The following GPR176 variants were observed in gnomAD, a reference collection of about 807,000 sequenced individuals.
GPR176 encodes G protein-coupled receptor 176.
GPR176 carries 26 observed loss-of-function variants against 35.4 expected under a neutral mutation model. That is an observed-to-expected ratio of 0.74 (90% confidence interval 0.54 to 1.02). The LOEUF (loss-of-function observed/expected upper bound fraction) is 1.02, where lower values mean the gene tolerates loss of function less well. GPR176 is among the 50% of genes least tolerant of loss of function. The pLI, the probability that GPR176 is intolerant of heterozygous loss-of-function variation, is 0.00. For missense variants in GPR176, 597 were observed against 665.3 expected, an observed-to-expected ratio of 0.90 and a Z score of 1.13; for synonymous variants, 278 against 271.3, an observed-to-expected ratio of 1.02 and a Z score of -0.24.
chr15:39,873,722 T>C (rs915429517), intron 1 of GPR176, among the ~76,000 whole-genome samples: 1 of 151,854 alleles, frequency 6.6e-6, no homozygotes, highest in Non-Finnish European at 1.5e-5. Flanking sequence ...CTGACACTTA[T>C]CTATGGGCAC....
intron 1 of GPR176, among the ~76,000 whole-genome samples, chr15:39,838,124 T>G (rs1229778236): frequency 1.3e-5 from 2 of 152,162 alleles, no homozygotes; most frequent in African/African-American, 2.4e-5. Flanking sequence ...TTCTGCATTC[T>G]GAATATTTTT....
intron 1 of GPR176, among the ~76,000 whole-genome samples, chr15:39,916,188 AT>A (rs2033721407): frequency 6.6e-6 from 1 of 152,272 alleles, no homozygotes; most frequent in African/African-American, 2.4e-5. Context: ...TCAATCCACC[AT>A]TTCCAGTTCA....
At chr15:39,843,511 T>C (rs760982758) in intron 1 of GPR176, among the ~76,000 whole-genome samples, 29 of 152,076 alleles carry the variant, frequency 1.9e-4, no homozygotes, top group Non-Finnish European at 2.9e-4. Context: ...CTCCCAGAAT[T>C]GCATTTTGCA....
At chr15:39,828,944 T>C (rs576268907) in intron 1 of GPR176, 2 of 618,438 alleles carry the variant, frequency 3.2e-6, no homozygotes, top group South Asian at 3.5e-5. Context: ...GAAAGAATGA[T>C]ACTACTAGCC....
At chr15:39,877,497 G>C (rs1313714756) in intron 1 of GPR176, among the ~76,000 whole-genome samples, 1 of 151,466 alleles carries the variant, frequency 6.6e-6, no homozygotes, top group African/African-American at 2.4e-5. Context: ...GGTCGCAGAT[G>C]CATCAAGCCC....
At chr15:39,854,325 T>C (rs1021397908) in intron 1 of GPR176, among the ~76,000 whole-genome samples, 2 of 152,192 alleles carry the variant, frequency 1.3e-5, no homozygotes, top group Non-Finnish European at 2.9e-5. Flanking sequence ...GTTTGAGGTT[T>C]GAATCAGCTC....
intron 1 of GPR176, among the ~76,000 whole-genome samples, chr15:39,866,848 G>A (rs949764938): frequency 5.3e-5 from 8 of 152,126 alleles, no homozygotes; most frequent in Non-Finnish European, 8.8e-5. Flanking sequence ...TATGAGGAAG[G>A]TGGACTGTCC....
chr15:39,812,181 CAACTG>C (rs1158694576), intron 1 of GPR176, among the ~76,000 whole-genome samples: 1 of 152,086 alleles, frequency 6.6e-6, no homozygotes, highest in African/African-American at 2.4e-5. Context: ...TACTAAATGT[CAACTG>C]GACTGGATTG....
chr15:39,806,907 G>T (rs1452368130), intron 2 of GPR176, 99 bp downstream of exon 2: 4 of 1,012,672 alleles, frequency 3.9e-6, no homozygotes, highest in Non-Finnish European at 5.7e-6. Flanking sequence ...TGACTAAAAA[G>T]CAGTATACGG....
At chr15:39,887,176 C>G (rs1422537635) in intron 1 of GPR176, among the ~76,000 whole-genome samples, 2 of 152,186 alleles carry the variant, frequency 1.3e-5, no homozygotes, top group African/African-American at 4.8e-5. Context: ...GGAAGTGGTT[C>G]TGATGCAGGT....
chr15:39,899,081 G>A (rs758003369), intron 1 of GPR176, among the ~76,000 whole-genome samples: 1 of 152,114 alleles, frequency 6.6e-6, no homozygotes, highest in Non-Finnish European at 1.5e-5. Context: ...ATAGCCTGTG[G>A]ACCAGCAGCA....
chr15:39,858,587 C>T (rs1163506646), intron 1 of GPR176, among the ~76,000 whole-genome samples: 2 of 152,000 alleles, frequency 1.3e-5, no homozygotes, highest in Non-Finnish European at 2.9e-5. Flanking sequence ...GTGGTGCACA[C>T]ATGTAGTCCC....
At chr15:39,849,474 A>C (rs957656559) in intron 1 of GPR176, among the ~76,000 whole-genome samples, 2 of 148,190 alleles carry the variant, frequency 1.3e-5, no homozygotes, top group Non-Finnish European at 2.9e-5. Flanking sequence ...AAGAAAGTAC[A>C]AAAGAGTACA....
At chr15:39,898,579 T>C (rs2033186563) in intron 1 of GPR176, among the ~76,000 whole-genome samples, 1 of 151,896 alleles carries the variant, frequency 6.6e-6, no homozygotes, top group African/African-American at 2.4e-5. Context: ...GCAAGAAGAC[T>C]GGAAAGAGAA....
At chr15:39,875,850 T>C (rs898009688) in intron 1 of GPR176, among the ~76,000 whole-genome samples, 1 of 151,984 alleles carries the variant, frequency 6.6e-6, no homozygotes, top group Non-Finnish European at 1.5e-5. Context: ...CCTGTCATCA[T>C]CTGACTTATT....
chr15:39,844,809 C>T (rs2030303168), intron 1 of GPR176, among the ~76,000 whole-genome samples: 1 of 152,122 alleles, frequency 6.6e-6, no homozygotes, highest in Non-Finnish European at 1.5e-5. Flanking sequence ...TCCCTCCTGA[C>T]ATCCAACCAG....
chr15:39,893,579 C>T (rs1277437416), intron 1 of GPR176, among the ~76,000 whole-genome samples: 1 of 152,244 alleles, frequency 6.6e-6, no homozygotes, highest in Non-Finnish European at 1.5e-5. Flanking sequence ...TCCACAAAGC[C>T]GCCATTGTCA....
At chr15:39,875,134 C>A (rs2032194123) in intron 1 of GPR176, among the ~76,000 whole-genome samples, 1 of 152,214 alleles carries the variant, frequency 6.6e-6, no homozygotes, top group Non-Finnish European at 1.5e-5. Flanking sequence ...GCCCAGTACA[C>A]AACCAATACT....
intron 1 of GPR176, among the ~76,000 whole-genome samples, chr15:39,825,263 A>G (rs1344525882): frequency 1.3e-5 from 2 of 152,156 alleles, no homozygotes; most frequent in Non-Finnish European, 2.9e-5. Flanking sequence ...AAATCCCACC[A>G]TCTTAAGAAA....
Sources: gnomAD v4.1 joint callset for allele counts (sites outside exome capture counted in the v4.1 genomes callset) on GRCh38, gnomAD v4.1.1 for gene constraint, MANE v1.5 for transcripts, NCBI Gene and HGNC (gene_info 2026-07-23, HGNC 2026-07-21) for gene names.